Variants in RORA observed in about 807,000 individuals in gnomAD.
RORA encodes RAR related orphan receptor A, also known as nuclear receptor ROR-alpha.
A neutral mutation model predicts 69.5 loss-of-function variants in RORA; 7 were observed. The ratio of observed to expected loss-of-function variants is 0.10; its 90% CI spans 0.06 to 0.19. The LOEUF is 0.19. RORA is among the 10% of genes least tolerant of loss of function. RORA has a pLI of 1.00. For missense variants in RORA, 457 were observed against 663.0 expected (o/e 0.69, Z 3.41); for synonymous variants, 261 against 240.8 (o/e 1.08, Z -0.78).
chr15:61,165,122 T>A (rs933955166), intron 1 of RORA, among the ~76,000 whole-genome samples: 2 of 152,176 alleles, frequency 1.3e-5, no homozygotes, highest in Non-Finnish European at 2.9e-5. Context: ...AAATACAGAA[T>A]CTGTGTGTGA....
intron 1 of RORA, among the ~76,000 whole-genome samples, chr15:61,025,602 C>T (rs531331622): frequency 2.6e-5 from 4 of 152,212 alleles, no homozygotes; most frequent in East Asian, 1.9e-4. Context: ...GGACTGAGGA[C>T]ATAAGTTCGT....
intron 2 of RORA, among the ~76,000 whole-genome samples, chr15:60,564,097 T>C (rs993656740): frequency 1.3e-5 from 2 of 152,148 alleles, no homozygotes; most frequent in South Asian, 2.1e-4. Flanking sequence ...ATGCTTACAA[T>C]TGGTATACAG....
chr15:61,126,663 T>C lies in RORA; in HGVS notation c.166+102390A>G, dbSNP rs569421901. On this transcript the variant is annotated intron_variant, in intron 1 of 10. Transcript: ENST00000335670. ...ATAGAATATTCACGTCTTATCTTGT[T>C]TGAACATCAAAACACTCTCCCACAT... Among the ~76,000 whole-genome samples, 13 of 152,328 alleles carry C rather than the reference T, an allele frequency of 8.5e-5. No individual in the cohort carries two copies. In the East Asian group the frequency reaches 1.9e-3, roughly 23 times the overall value.
At chr15:60,971,919 C>T (rs1027853638) in intron 1 of RORA, among the ~76,000 whole-genome samples, 1 of 152,132 alleles carries the variant, frequency 6.6e-6, no homozygotes, top group African/African-American at 2.4e-5. Context: ...GCAGTGGTTC[C>T]CAAGCTGCAT....
intron 1 of RORA, among the ~76,000 whole-genome samples, chr15:60,931,153 T>C (rs1177154751): frequency 6.6e-6 from 1 of 152,014 alleles, no homozygotes; most frequent in African/African-American, 2.4e-5. Flanking sequence ...AAAGAGAAGG[T>C]GAGTCTGCCT....
intron 1 of RORA, among the ~76,000 whole-genome samples, chr15:61,134,509 A>G (rs114203642): frequency 0.011 from 1,705 of 152,336 alleles, 29 homozygotes; most frequent in African/African-American, 0.039. Flanking sequence ...GGTGCCAGGA[A>G]CAGAGGAGGC....
chr15:60,874,804 C>T (rs544051607), intron 1 of RORA, among the ~76,000 whole-genome samples: 13 of 152,256 alleles, frequency 8.5e-5, no homozygotes, highest in African/African-American at 2.9e-4. Flanking sequence ...TGGGGTCAGC[C>T]TGCTAGTGTA....
At chr15:61,033,056 T>C (rs973839671) in intron 1 of RORA, among the ~76,000 whole-genome samples, 1 of 152,206 alleles carries the variant, frequency 6.6e-6, no homozygotes, top group Non-Finnish European at 1.5e-5. Context: ...GATTCAGATC[T>C]GCAATTTGCT....
chr15:60,488,539 A>G lies in RORA; in HGVS notation c.*8916T>C, dbSNP rs931352013. On this transcript the variant is annotated 3_prime_UTR_variant, in exon 11 of 11. Coordinates refer to ENST00000335670, the MANE Select transcript of RORA (RefSeq NM_134261.3). Reference sequence around the variant, plus strand: ...TTAAATTCAGGACTCAATAAAATAAACAGCTGGAAATAAGCAGACTAGTGT... The same window carrying G: ...TTAAATTCAGGACTCAATAAAATAAGCAGCTGGAAATAAGCAGACTAGTGT... 4.6e-5 allele frequency: 7 copies of G among 152,232 alleles called. No individual in the cohort carries two copies. Among genetic ancestry groups the G allele is most frequent in the African/African-American group, 1.7e-4 (7 of 41,454 alleles). The allele number at this position is 152,232 out of a possible 1,614,324, so 9.4% of individuals were successfully genotyped here. A position where few individuals can be genotyped will look rare whatever the true frequency, so the allele number is the denominator to read the frequency against.
intron 1 of RORA, among the ~76,000 whole-genome samples, chr15:61,046,694 C>T (rs1477161740): frequency 6.6e-6 from 1 of 152,158 alleles, no homozygotes; most frequent in Non-Finnish European, 1.5e-5. Flanking sequence ...TATTACACAG[C>T]AGGATCCAGG....
At chr15:60,907,404 T>C (rs1196666738) in intron 1 of RORA, among the ~76,000 whole-genome samples, 1 of 152,174 alleles carries the variant, frequency 6.6e-6, no homozygotes, top group African/African-American at 2.4e-5. Context: ...TCAGGGGCCA[T>C]CCACTCAGAC....
intron 1 of RORA, among the ~76,000 whole-genome samples, chr15:60,969,907 G>C (rs1893663570): frequency 6.6e-6 from 1 of 152,212 alleles, no homozygotes; most frequent in South Asian, 2.1e-4. Context: ...AGTAATTAAG[G>C]TTAAATGTGG....
chr15:60,674,400 C>T (rs1407545420), intron 2 of RORA, among the ~76,000 whole-genome samples: 1 of 152,062 alleles, frequency 6.6e-6, no homozygotes, highest in African/African-American at 2.4e-5. Context: ...TCAATGAATG[C>T]CTATGGAGAG....
intron 1 of RORA, among the ~76,000 whole-genome samples, chr15:60,956,638 T>C (rs1025488268): frequency 1.3e-5 from 2 of 152,262 alleles, no homozygotes; most frequent in Non-Finnish European, 2.9e-5. Context: ...CAAGTAACGA[T>C]AATAGCTGCT....
intron 1 of RORA, among the ~76,000 whole-genome samples, chr15:60,828,608 G>A (rs180700671): frequency 1.4e-4 from 22 of 152,270 alleles, no homozygotes; most frequent in African/African-American, 5.3e-4. Context: ...GGCGCATGGG[G>A]CCTCTGTGAC....
chr15:60,593,109 C>T (rs1389870094), intron 2 of RORA: 1 of 323,314 alleles, frequency 3.1e-6, no homozygotes, highest in African/African-American at 2.3e-5. Context: ...TAAGCTCCTC[C>T]GAAGTCTTTC....
intron 2 of RORA, among the ~76,000 whole-genome samples, chr15:60,550,066 G>A (rs1331062840): frequency 5.3e-5 from 8 of 152,256 alleles, no homozygotes; most frequent in Non-Finnish European, 4.4e-5. Context: ...ACCGTGGTAG[G>A]TGGATCATGA....
intron 2 of RORA, among the ~76,000 whole-genome samples, chr15:60,540,568 C>CA (rs1212368163): frequency 1.4e-4 from 8 of 55,878 alleles, no homozygotes; most frequent in African/African-American, 1.8e-4. Flanking sequence ...TCCATGACCC[C>CA]CCCCCCCCAA....
At chr15:60,939,053 C>G (rs72752778) in intron 1 of RORA, among the ~76,000 whole-genome samples, 6,691 of 152,304 alleles carry the variant, frequency 0.044, 214 homozygotes, top group South Asian at 0.13. Flanking sequence ...TCCATTTCAA[C>G]TTGCTACGTC....
Sources: allele counts gnomAD v4.1 joint callset (sites outside exome capture counted in the v4.1 genomes callset), GRCh38; gene constraint gnomAD v4.1.1; transcripts MANE v1.5; gene names NCBI Gene and HGNC (gene_info 2026-07-23, HGNC 2026-07-21).